Variants in SCARB2 observed in about 807,000 individuals in gnomAD.
SCARB2 encodes the protein lysosome membrane protein 2.
Under a neutral mutation model 58.6 loss-of-function variants are expected in SCARB2, and 29 were observed. The observed-to-expected ratio is 0.49, with a 90% CI of 0.37 to 0.67. SCARB2 has a LOEUF of 0.67. Among genes scored for constraint, SCARB2 ranks in the 30% least tolerant of loss-of-function variants. The probability of loss-of-function intolerance (pLI) is 0.00; values close to 1 mark genes in which losing one functional copy is unlikely to be tolerated. For synonymous variants in SCARB2, 195 were observed against 210.1 expected (o/e 0.93, Z 0.62); for missense variants, 488 against 578.5 (o/e 0.84, Z 1.60).
chr4:76,184,733 G>T, intron 2 of SCARB2: 1 of 362,720 alleles, frequency 2.8e-6, no homozygotes. Context: ...AGTGAGCTAT[G>T]ATCATGCCAC....
At chr4:76,203,971 A>G (rs550459755) in intron 1 of SCARB2, among the ~76,000 whole-genome samples, 3 of 152,346 alleles carry the variant, frequency 2.0e-5, no homozygotes, top group Admixed American at 6.5e-5. Flanking sequence ...TAAGGTCAGT[A>G]AAGTGCTACT....
intron 2 of SCARB2, among the ~76,000 whole-genome samples, chr4:76,185,007 T>C (rs1397460772): frequency 1.3e-5 from 2 of 152,148 alleles, no homozygotes; most frequent in Non-Finnish European, 2.9e-5. Flanking sequence ...TAGCCAGAGG[T>C]AGTTTATTTT....
intron 2 of SCARB2, chr4:76,184,730 T>A (rs1732451191): frequency 2.8e-6 from 1 of 352,814 alleles, no homozygotes; most frequent in South Asian, 2.3e-5. Context: ...TACAGTGAGC[T>A]ATGATCATGC....
intron 2 of SCARB2, 135 bp from the exon 3 acceptor site, chr4:76,181,236 T>C: frequency 1.2e-6 from 1 of 866,528 alleles, no homozygotes; most frequent in Non-Finnish European, 1.8e-6. Context: ...CTGCAGCTAC[T>C]AAGCCTTAAA....
chr4:76,214,352 A>G (rs763823249), upstream of SCARB2: 12 of 452,870 alleles, frequency 2.6e-5, no homozygotes, highest in Non-Finnish European at 4.9e-5. Context: ...TAAGTTTGTC[A>G]CGTAAGGGGC....
intron 1 of SCARB2, among the ~76,000 whole-genome samples, chr4:76,200,672 T>A (rs1435297662): frequency 6.6e-6 from 1 of 152,200 alleles, no homozygotes; most frequent in Non-Finnish European, 1.5e-5. Context: ...AAACAGCTTA[T>A]GCCTGAAATT....
chr4:76,169,104 A>G (rs570856156), intron 8 of SCARB2, among the ~76,000 whole-genome samples: 4 of 152,220 alleles, frequency 2.6e-5, no homozygotes, highest in Non-Finnish European at 5.9e-5. Context: ...ACCACACACG[A>G]TTTTATTCAC....
intron 2 of SCARB2, among the ~76,000 whole-genome samples, chr4:76,182,803 A>C (rs539673809): frequency 6.6e-6 from 1 of 152,362 alleles, no homozygotes; most frequent in South Asian, 2.1e-4. Flanking sequence ...GTTATGTCCC[A>C]GTAAACCCAT....
intron 4 of SCARB2, among the ~76,000 whole-genome samples, chr4:76,178,289 T>G (rs1732299484): frequency 6.6e-6 from 1 of 152,166 alleles, no homozygotes; most frequent in African/African-American, 2.4e-5. Flanking sequence ...ATAATAGGAG[T>G]GAACAATTGT....
intron 2 of SCARB2, chr4:76,194,880 T>C (rs935626160): frequency 3.3e-5 from 5 of 152,064 alleles, no homozygotes; most frequent in Admixed American, 6.6e-5. Flanking sequence ...TCCCCAGTGT[T>C]TGGAATTGGT....
chr4:76,189,474 CTGTTGTTGT>C (rs138885918), intron 2 of SCARB2, among the ~76,000 whole-genome samples: 5 of 150,454 alleles, frequency 3.3e-5, no homozygotes, highest in South Asian at 2.1e-4. Context: ...TTTTGTTTGT[CTGTTGTTGT>C]TGTTGTTGTT....
intron 1 of SCARB2, among the ~76,000 whole-genome samples, chr4:76,229,727 C>T (rs1733461224): frequency 6.6e-6 from 1 of 152,184 alleles, no homozygotes; most frequent in South Asian, 2.1e-4. Flanking sequence ...AGCACCTGCT[C>T]TGATGGAGGT....
chr4:76,220,399 G>A (rs1034149600), intron 1 of SCARB2, among the ~76,000 whole-genome samples: 3 of 152,210 alleles, frequency 2.0e-5, no homozygotes, highest in African/African-American at 7.2e-5. Context: ...GACTGAGGCA[G>A]GAGGATTGCT....
At chr4:76,210,073 T>C (rs1028824339) in intron 1 of SCARB2, among the ~76,000 whole-genome samples, 4 of 152,230 alleles carry the variant, frequency 2.6e-5, no homozygotes, top group South Asian at 2.1e-4. Flanking sequence ...GCTTGTATAA[T>C]AAGTTTCAAT....
chr4:76,214,119 A>G, upstream of SCARB2: 1 of 415,144 alleles, frequency 2.4e-6, no homozygotes, highest in South Asian at 1.7e-5. Context: ...CTCATTCCGC[A>G]GATAGGTCTG....
At chr4:76,218,771 T>C (rs75900515), upstream of SCARB2, among the ~76,000 whole-genome samples, 4,908 of 152,244 alleles carry the variant, frequency 0.032, 265 homozygotes, top group African/African-American at 0.11. Context: ...GTCTAACTAA[T>C]AGAATGTGTG....
At chr4:76,222,840 G>A (rs1484047518) in intron 1 of SCARB2, among the ~76,000 whole-genome samples, 6 of 152,198 alleles carry the variant, frequency 3.9e-5, no homozygotes, top group Non-Finnish European at 7.3e-5. Flanking sequence ...CTACCATGGA[G>A]GACTAGTAAG....
intron 1 of SCARB2, among the ~76,000 whole-genome samples, chr4:76,222,841 G>A (rs1203949488): frequency 5.3e-5 from 8 of 152,176 alleles, no homozygotes; most frequent in Non-Finnish European, 1.2e-4. Flanking sequence ...TACCATGGAG[G>A]ACTAGTAAGC....
At chr4:76,230,844 C>T (rs887425228) in intron 1 of SCARB2, among the ~76,000 whole-genome samples, 48 of 152,304 alleles carry the variant, frequency 3.2e-4, no homozygotes, top group Middle Eastern at 6.8e-3. Context: ...CCCTAGACCT[C>T]ATTTATGCCA....
Sources: gnomAD v4.1 joint callset for allele counts (sites outside exome capture counted in the v4.1 genomes callset) on GRCh38, gnomAD v4.1.1 for gene constraint, MANE v1.5 for transcripts, NCBI Gene and HGNC (gene_info 2026-07-23, HGNC 2026-07-21) for gene names.